Variants in RYR3 observed in about 807,000 individuals in gnomAD.
RYR3 encodes the protein brain ryanodine receptor-calcium release channel.
A neutral mutation model predicts 584.3 loss-of-function variants in RYR3; 207 were observed. That is an observed-to-expected ratio of 0.35 (90% confidence interval 0.32 to 0.40). The LOEUF is 0.40. Ranked by LOEUF, RYR3 falls within the 10% of genes least tolerant of loss-of-function variation. The probability of loss-of-function intolerance (pLI) is 1.00; values close to 1 mark genes in which losing one functional copy is unlikely to be tolerated. For missense variants in RYR3, 5,616 were observed against 6,089.2 expected (o/e 0.92, Z 2.59); for synonymous variants, 2,416 against 2,248.5 (o/e 1.07, Z -2.11).
At chr15:33,706,526 T>C (rs1043527232) in intron 42 of RYR3, among the ~76,000 whole-genome samples, 3 of 152,242 alleles carry the variant, frequency 2.0e-5, no homozygotes, top group African/African-American at 7.2e-5. Context: ...ACTTAGCGAA[T>C]GTCCTCAATG....
At chr15:33,436,441 G>A (rs942362776) in intron 1 of RYR3, among the ~76,000 whole-genome samples, 5 of 150,738 alleles carry the variant, frequency 3.3e-5, no homozygotes, top group African/African-American at 7.3e-5. Flanking sequence ...TATGTTTTAC[G>A]AAGATCTTCC....
At chr15:33,661,990 A>G (rs2063192138) in intron 34 of RYR3, among the ~76,000 whole-genome samples, 163 bp from the exon 35 acceptor site, 1 of 152,238 alleles carries the variant, frequency 6.6e-6, no homozygotes, top group African/African-American at 2.4e-5. Context: ...AGGAACTGGA[A>G]TACGGACCAG....
chr15:33,571,722 C>T (rs905238120), intron 12 of RYR3, among the ~76,000 whole-genome samples: 1 of 152,104 alleles, frequency 6.6e-6, no homozygotes, highest in Admixed American at 6.6e-5. Context: ...GTAGACAACA[C>T]ATATTTGATT....
intron 1 of RYR3, among the ~76,000 whole-genome samples, chr15:33,448,956 C>A (rs922487175): frequency 2.0e-5 from 3 of 152,142 alleles, no homozygotes; most frequent in Non-Finnish European, 4.4e-5. Flanking sequence ...AGTGGTGCCA[C>A]AAACGTCAGG....
intron 7 of RYR3, among the ~76,000 whole-genome samples, chr15:33,542,504 A>T (rs915239128): frequency 2.0e-5 from 3 of 152,156 alleles, no homozygotes; most frequent in African/African-American, 7.2e-5. Flanking sequence ...TAGCAGTACA[A>T]AAAGATACAG....
At chr15:33,774,860 C>T (rs2073883239) in intron 64 of RYR3, among the ~76,000 whole-genome samples, 1 of 152,046 alleles carries the variant, frequency 6.6e-6, no homozygotes. Flanking sequence ...TCTATTAATG[C>T]CAAATTTCAC....
At chr15:33,607,763 G>A (rs1297074190) in intron 18 of RYR3, among the ~76,000 whole-genome samples, 2 of 151,466 alleles carry the variant, frequency 1.3e-5, no homozygotes, top group African/African-American at 2.4e-5. Context: ...ACAGTGTCCC[G>A]GCAAACTTTT....
chr15:33,714,840 C>T (rs1028513067), intron 43 of RYR3, among the ~76,000 whole-genome samples: 1 of 152,182 alleles, frequency 6.6e-6, no homozygotes, highest in African/African-American at 2.4e-5. Context: ...GCCCAGAAGT[C>T]ACTTCCTACA....
rs572915056 is a variant in RYR3 at position 33,801,105 on chromosome 15, T to C, written c.9918+248T>C. ...ACTGACAGAGGCATAAATCAATACATGTAAAGTATACCTTGGTTTAGCCCA... is the reference window on the plus strand; with the variant it reads ...ACTGACAGAGGCATAAATCAATACACGTAAAGTATACCTTGGTTTAGCCCA... On this transcript the variant is annotated intron_variant, in intron 68 of 103. Transcript: ENST00000634891. Among the ~76,000 whole-genome samples, 11 of 152,318 alleles carry C rather than the reference T, an allele frequency of 7.2e-5. No homozygotes were observed. In the East Asian group the frequency reaches 1.9e-3, roughly 27 times the overall value.
intron 2 of RYR3, among the ~76,000 whole-genome samples, chr15:33,490,692 A>G (rs910078742): frequency 1.3e-5 from 2 of 151,890 alleles, no homozygotes; most frequent in Non-Finnish European, 2.9e-5. Flanking sequence ...GGAAGGCTTA[A>G]TATTATCCTT....
chr15:33,684,070 A>G (rs1452749702), intron 38 of RYR3, among the ~76,000 whole-genome samples: 2 of 152,276 alleles, frequency 1.3e-5, no homozygotes, highest in African/African-American at 4.8e-5. Context: ...TAGCTGAACA[A>G]AAGGCAGCAG....
chr15:33,791,225 G>A (rs1241900761), intron 67 of RYR3, among the ~76,000 whole-genome samples: 1 of 152,164 alleles, frequency 6.6e-6, no homozygotes, highest in Non-Finnish European at 1.5e-5. Flanking sequence ...TTCACCAATG[G>A]GAAGGATCCA....
At chr15:33,522,511 T>C (rs1595430758) in intron 3 of RYR3, among the ~76,000 whole-genome samples, 1 of 152,108 alleles carries the variant, frequency 6.6e-6, no homozygotes, top group East Asian at 1.9e-4. Flanking sequence ...ATTACCCCAT[T>C]ATGAGTTGAA....
intron 18 of RYR3, among the ~76,000 whole-genome samples, chr15:33,611,052 T>C (rs905815269): frequency 6.6e-6 from 1 of 152,210 alleles, no homozygotes; most frequent in African/African-American, 2.4e-5. Flanking sequence ...AAACTGGGAT[T>C]ATAAATATTC....
At chr15:33,498,748 T>C (rs1384806637) in intron 2 of RYR3, among the ~76,000 whole-genome samples, 1 of 152,200 alleles carries the variant, frequency 6.6e-6, no homozygotes, top group Non-Finnish European at 1.5e-5. Flanking sequence ...ATAAAATATT[T>C]GTCCACACCA....
rs1350119075 is a variant in RYR3 at position 33,750,431 on chromosome 15, C to CT, written c.8399+152dup. 14 of 775,748 alleles carry CT rather than the reference C, an allele frequency of 1.8e-5. 1 individual carries two copies. The East Asian group carries it at 2.8e-4, about 15-fold the overall frequency. 48.1% of individuals were successfully genotyped at this position (775,748 alleles called of 1,614,324 possible). ...TTTTTATTTTAGAACATGAAGCCCT[C>CT]TTTTTTTGATATAAGCAGAAATGTT... On this transcript the variant is annotated intron_variant, in intron 57 of 103. Coordinates refer to ENST00000634891, the MANE Select transcript of RYR3 (RefSeq NM_001036.6).
At chr15:33,555,081 T>C (rs1465726478) in intron 10 of RYR3, among the ~76,000 whole-genome samples, 1 of 152,218 alleles carries the variant, frequency 6.6e-6, no homozygotes, top group Non-Finnish European at 1.5e-5. Context: ...AAATTTTTTC[T>C]CACAGTATAA....
intron 1 of RYR3, among the ~76,000 whole-genome samples, chr15:33,448,328 G>A (rs1338156630): frequency 6.6e-6 from 1 of 152,238 alleles, no homozygotes; most frequent in Non-Finnish European, 1.5e-5. Context: ...GTGGGACTAA[G>A]AGCAGGATAA....
chr15:33,864,358 C>G (rs1273160626), intron 103 of RYR3, among the ~76,000 whole-genome samples, 169 bp downstream of exon 103: 1 of 151,804 alleles, frequency 6.6e-6, no homozygotes, highest in African/African-American at 2.4e-5. Context: ...TCCTGTTTAT[C>G]CTTCCCAACA....
Sources: gnomAD v4.1 joint callset for allele counts (sites outside exome capture counted in the v4.1 genomes callset) on GRCh38, gnomAD v4.1.1 for gene constraint, MANE v1.5 for transcripts, NCBI Gene and HGNC (gene_info 2026-07-23, HGNC 2026-07-21) for gene names.